Variants in LHFPL3 observed in about 807,000 individuals in gnomAD.
LHFPL3 encodes the protein LHFPL tetraspan subfamily member 3 protein.
In LHFPL3, 5 loss-of-function variants were observed where a neutral mutation model predicts 19.3. That is an observed-to-expected ratio of 0.26 (90% confidence interval 0.14 to 0.54). LHFPL3 has a LOEUF of 0.54. LHFPL3 is among the 20% of genes least tolerant of loss of function. The probability of loss-of-function intolerance (pLI) is 0.94; values close to 1 mark genes in which losing one functional copy is unlikely to be tolerated. For missense variants in LHFPL3, 249 were observed against 307.4 expected, an observed-to-expected ratio of 0.81 and a Z score of 1.42; for synonymous variants, 133 against 126.2, an observed-to-expected ratio of 1.05 and a Z score of -0.36.
intron 1 of LHFPL3, among the ~76,000 whole-genome samples, chr7:104,430,392 A>ATATATATATATATATG (rs1791947792): frequency 3.5e-5 from 2 of 56,562 alleles, no homozygotes; most frequent in African/African-American, 2.0e-4. Flanking sequence ...ACATATATAT[A>ATATATATATATATATG]TATATATATA....
At position 104,334,938 on chromosome 7, in the gene LHFPL3, C is replaced by A. The variant is rs376412510; in HGVS notation, c.445+5714C>A. On this transcript the variant is annotated intron_variant, in intron 1 of 2. Transcript: ENST00000424859. ...GTTCTAGGTTGGATTTCCTTATGTACCTTCAGGAGCAATAAAGACAGGAAA... is the reference window on the plus strand; with the variant it reads ...GTTCTAGGTTGGATTTCCTTATGTAACTTCAGGAGCAATAAAGACAGGAAA... Among the ~76,000 whole-genome samples, 10 of 152,208 alleles carry A rather than the reference C, an allele frequency of 6.6e-5. 1 individual carries two copies. Among genetic ancestry groups the A allele is most frequent in the African/African-American group, 2.2e-4 (9 of 41,522 alleles).
intron 2 of LHFPL3, chr7:104,802,909 T>C (rs1283156104): frequency 1.3e-5 from 2 of 152,326 alleles, no homozygotes; most frequent in Admixed American, 6.5e-5. Context: ...TCATCCACAT[T>C]GCTTGATCTT....
chr7:104,496,025 T>C (rs1378225333), intron 1 of LHFPL3, among the ~76,000 whole-genome samples: 1 of 152,192 alleles, frequency 6.6e-6, no homozygotes, highest in Non-Finnish European at 1.5e-5. Flanking sequence ...ACGTGCAGGT[T>C]TGTTACATAT....
At chr7:104,894,140 T>G (rs1792307538) in intron 2 of LHFPL3, among the ~76,000 whole-genome samples, 1 of 152,196 alleles carries the variant, frequency 6.6e-6, no homozygotes, top group Non-Finnish European at 1.5e-5. Context: ...GGACCTAATC[T>G]GCCTTTGCTC....
At chr7:104,639,585 G>T (rs532686840) in intron 1 of LHFPL3, among the ~76,000 whole-genome samples, 1 of 152,152 alleles carries the variant, frequency 6.6e-6, no homozygotes, top group East Asian at 1.9e-4. Flanking sequence ...GTAATATTTT[G>T]ATTGAAGTAC....
At position 104,399,834 on chromosome 7, in the gene LHFPL3, G is replaced by A. The variant is rs1373518391; in HGVS notation, c.445+70610G>A. On this transcript the variant is annotated intron_variant, in intron 1 of 2. Transcript: ENST00000424859. This position sits in a 1 kb window ranked among gnomAD's most constrained non-coding sequence, Gnocchi z 4.4. ...GGAAGTGGCCCCAAAGAGTCATGTTGAGAGGGTTGGCTAAAGACTCTGTAA... is the reference window on the plus strand; with the variant it reads ...GGAAGTGGCCCCAAAGAGTCATGTTAAGAGGGTTGGCTAAAGACTCTGTAA... Among the ~76,000 whole-genome samples, 1 of 151,528 alleles carries A rather than the reference G, an allele frequency of 6.6e-6. No homozygotes were observed. The highest frequency in any genetic ancestry group is 2.4e-5 in the African/African-American group (1 of 41,280).
At chr7:104,575,638 ATTAT>A (rs907292052) in intron 1 of LHFPL3, among the ~76,000 whole-genome samples, 9 of 141,298 alleles carry the variant, frequency 6.4e-5, no homozygotes, top group African/African-American at 1.6e-4. Context: ...TCTTTGCTTT[ATTAT>A]TTATTTATTT....
At chr7:104,709,418 G>C (rs1253214374) in intron 1 of LHFPL3, among the ~76,000 whole-genome samples, 1 of 115,904 alleles carries the variant, frequency 8.6e-6, no homozygotes, top group Non-Finnish European at 1.9e-5. Context: ...CTTGAGATTA[G>C]GGAGTGGTGA....
chr7:104,415,721 GT>G (rs1332839261), intron 1 of LHFPL3, among the ~76,000 whole-genome samples: 2 of 152,044 alleles, frequency 1.3e-5, no homozygotes, highest in Non-Finnish European at 2.9e-5. Context: ...CTTCTAAATA[GT>G]TATATAGCAT....
At chr7:104,901,631 G>A (rs143127871) in intron 2 of LHFPL3, among the ~76,000 whole-genome samples, 206 of 152,126 alleles carry the variant, frequency 1.4e-3, no homozygotes, top group Non-Finnish European at 1.6e-3. Flanking sequence ...GCAGTGGTGC[G>A]TTCATGGCTC....
At chr7:104,752,866 C>T (rs973404740) in intron 2 of LHFPL3, 5 of 363,210 alleles carry the variant, frequency 1.4e-5, no homozygotes, top group Non-Finnish European at 2.5e-5. Flanking sequence ...AAAGAGAGTT[C>T]CCACATACTC....
At chr7:104,738,110 A>G (rs1793863794) in intron 2 of LHFPL3, among the ~76,000 whole-genome samples, 2 of 152,182 alleles carry the variant, frequency 1.3e-5, no homozygotes, top group African/African-American at 2.4e-5. Flanking sequence ...CAGAACACAT[A>G]TTAGTTTTCT....
At chr7:104,595,124 G>T (rs948470417) in intron 1 of LHFPL3, among the ~76,000 whole-genome samples, 1 of 152,206 alleles carries the variant, frequency 6.6e-6, no homozygotes, top group Non-Finnish European at 1.5e-5. Context: ...GAGGCACTCT[G>T]ATTTTGAGAA....
chr7:104,819,768 A>G (rs1790642574), intron 2 of LHFPL3, among the ~76,000 whole-genome samples: 1 of 152,168 alleles, frequency 6.6e-6, no homozygotes, highest in South Asian at 2.1e-4. Context: ...TTTAACAGGG[A>G]TTCCACACCA....
At chr7:104,761,171 T>C (rs1358292868) in intron 2 of LHFPL3, among the ~76,000 whole-genome samples, 1 of 152,152 alleles carries the variant, frequency 6.6e-6, no homozygotes, top group Admixed American at 6.6e-5. Flanking sequence ...TAAGTGAAAG[T>C]GAAGTTAGGC....
chr7:104,632,757 C>G (rs1022276227), intron 1 of LHFPL3, among the ~76,000 whole-genome samples: 8 of 152,192 alleles, frequency 5.3e-5, no homozygotes, highest in Non-Finnish European at 1.0e-4. Flanking sequence ...GGTGATCCTC[C>G]CACCTCAGCC....
At chr7:104,351,720 G>A (rs995635963) in intron 1 of LHFPL3, among the ~76,000 whole-genome samples, 2 of 152,150 alleles carry the variant, frequency 1.3e-5, no homozygotes, top group Non-Finnish European at 2.9e-5. Flanking sequence ...CAATTTTCAA[G>A]GTGGCAACAC....
At chr7:104,889,615 G>T (rs1792208914) in intron 2 of LHFPL3, among the ~76,000 whole-genome samples, 1 of 152,152 alleles carries the variant, frequency 6.6e-6, no homozygotes, top group Non-Finnish European at 1.5e-5. Context: ...ACTCCAGCCT[G>T]GGTGACAGAG....
chr7:104,596,499 G>T (rs930343322), intron 1 of LHFPL3, among the ~76,000 whole-genome samples: 1 of 152,210 alleles, frequency 6.6e-6, no homozygotes, highest in Non-Finnish European at 1.5e-5. Context: ...TATCCAAGAT[G>T]AAGTAAAGAT....
Sources: allele counts gnomAD v4.1 joint callset (sites outside exome capture counted in the v4.1 genomes callset), GRCh38; gene constraint gnomAD v4.1.1; non-coding constraint Gnocchi (gnomAD v3.1); transcripts MANE v1.5; gene names NCBI Gene and HGNC (gene_info 2026-07-23, HGNC 2026-07-21).